EIF5B: variants seen among roughly 807,000 people sequenced by gnomAD.
The protein encoded by EIF5B is eIF-5B.
Under a neutral mutation model 147.5 loss-of-function variants are expected in EIF5B, and 47 were observed. The ratio of observed to expected loss-of-function variants is 0.32; its 90% CI spans 0.25 to 0.41. The LOEUF is 0.41. Ranked by LOEUF, EIF5B falls within the 10% of genes least tolerant of loss-of-function variation. EIF5B has a pLI of 1.00. For synonymous variants in EIF5B, 455 were observed against 456.2 expected, an observed-to-expected ratio of 1.00 and a Z score of 0.03; for missense variants, 1,064 against 1,413.2, an observed-to-expected ratio of 0.75 and a Z score of 3.96.
At chr2:99,386,062 CT>C (rs1305146024) in intron 14 of EIF5B, among the ~76,000 whole-genome samples, 1 of 152,100 alleles carries the variant, frequency 6.6e-6, no homozygotes, top group African/African-American at 2.4e-5. Context: ...AGGGTTTTTC[CT>C]TTTTATTTTT....
intron 1 of EIF5B, among the ~76,000 whole-genome samples, chr2:99,348,110 A>T (rs1484605536): frequency 6.6e-6 from 1 of 152,230 alleles, no homozygotes; most frequent in Non-Finnish European, 1.5e-5. Context: ...CAAGATTTGT[A>T]TTCTTATCAA....
chr2:99,366,515 A>G (rs1674331409), intron 6 of EIF5B, among the ~76,000 whole-genome samples: 1 of 152,086 alleles, frequency 6.6e-6, no homozygotes, highest in Non-Finnish European at 1.5e-5. Flanking sequence ...CAGTACATGC[A>G]CAACACACAT....
intron 1 of EIF5B, among the ~76,000 whole-genome samples, chr2:99,351,442 A>G (rs781172505): frequency 6.6e-6 from 1 of 152,180 alleles, no homozygotes; most frequent in Non-Finnish European, 1.5e-5. Context: ...TTGTGTGGAC[A>G]TGTATTTTCA....
At chr2:99,347,922 TA>T (rs1426076444) in intron 1 of EIF5B, among the ~76,000 whole-genome samples, 1 of 148,430 alleles carries the variant, frequency 6.7e-6, no homozygotes, top group Non-Finnish European at 1.5e-5. Context: ...ATTATCAAAT[TA>T]AAATTTAAAA....
intron 1 of EIF5B, among the ~76,000 whole-genome samples, chr2:99,352,863 C>T (rs1039164349): frequency 3.9e-5 from 6 of 151,902 alleles, no homozygotes; most frequent in Admixed American, 6.6e-5. Context: ...CTCACTCTGT[C>T]GTTCAAGTTG....
At chr2:99,392,886 A>C in intron 17 of EIF5B, 81 bp from the exon 18 acceptor site, 1 of 1,249,510 alleles carries the variant, frequency 8.0e-7, no homozygotes, top group Non-Finnish European at 1.0e-6. Flanking sequence ...CTCTAATATC[A>C]TGATGAGATT....
At position 99,388,791 on chromosome 2, in the gene EIF5B, A is replaced by T. The variant is rs183978881; in HGVS notation, c.2272-927A>T. Among the ~76,000 whole-genome samples, 969 of 152,212 alleles carry T rather than the reference A, an allele frequency of 6.4e-3. 10 individuals carry two copies. The highest frequency in any genetic ancestry group is 6.8e-3 in the Middle Eastern group (2 of 294). ...ATGTAGTTTTCTTGTAATGTCTTTTATCTGGTTTTCATATCAGAGTAATGT... is the reference window on the plus strand; with the variant it reads ...ATGTAGTTTTCTTGTAATGTCTTTTTTCTGGTTTTCATATCAGAGTAATGT... On this transcript the variant is annotated intron_variant, in intron 14 of 23. Transcript: ENST00000289371.
chr2:99,379,008 T>TA lies in EIF5B; in HGVS notation c.1843-11_1843-10insA. Reference sequence around the variant, plus strand: ...ATTTAATTTTTGATTTTTTTTTTTTTTTATTTCTAGAAACGGCGACTTGAA... The same window carrying TA: ...ATTTAATTTTTGATTTTTTTTTTTTTATTATTTCTAGAAACGGCGACTTGAA... On this transcript the variant is annotated splice_polypyrimidine_tract_variant and intron_variant, in intron 10 of 23. Coordinates refer to ENST00000289371, the MANE Select transcript of EIF5B (RefSeq NM_015904.4). The TA allele has an allele frequency of 6.6e-7, 1 of 1,507,912 alleles. No individual in the cohort carries two copies. The highest frequency in any genetic ancestry group is 8.9e-7 in the Non-Finnish European group (1 of 1,127,078). The allele number at this position is 1,507,912 out of a possible 1,614,324, so 93.4% of individuals were successfully genotyped here.
At chr2:99,375,900 G>A (rs908684875) in intron 9 of EIF5B, among the ~76,000 whole-genome samples, 3 of 152,072 alleles carry the variant, frequency 2.0e-5, no homozygotes, top group Admixed American at 1.3e-4. Flanking sequence ...GGAGCATTTC[G>A]TATTTCAGGT....
Position 99,394,561 on chromosome 2 carries a change from C to T in EIF5B, c.3065C>T (p.Ser1022Leu). 6.2e-7 allele frequency: 1 copy of T among 1,614,192 alleles called. No individual in the cohort carries two copies. The highest frequency in any genetic ancestry group is 1.1e-5 in the South Asian group (1 of 91,084). ...CATAAAAAAGATGTTATGAAGGCTT[C>T]AGTGATGTTGGAACATGACCCTCAG... ...PVHKKDVMKA[S>L]VMLEHDPQYA... is the part of the protein sequence containing the mutation. The change falls in exon 20 of 24, where the codon TCA (serine) becomes TTA (leucine). Residue 1022 changes from serine to leucine, a missense_variant. Ser to Leu is a moderately radical substitution (Grantham distance 145). Coordinates refer to ENST00000289371, the MANE Select transcript of EIF5B (RefSeq NM_015904.4).
At chr2:99,389,243 G>A (rs1437209330) in intron 14 of EIF5B, among the ~76,000 whole-genome samples, 9 of 151,994 alleles carry the variant, frequency 5.9e-5, no homozygotes, top group African/African-American at 2.2e-4. Context: ...TGAAAAGTGA[G>A]GGAAAATAGA....
chr2:99,376,586 G>C lies in EIF5B; in HGVS notation c.1792G>C (p.Asp598His), dbSNP rs574212322. ...SSDSEYDSDD[D>H]RTKEERAYDK... ...AGATTCTGAATATGACTCTGATGAT[G>C]ATCGGACTAAAGAAGAAAGGGCTTA... The change falls in exon 10 of 24, where the codon GAT (aspartate) becomes CAT (histidine). Residue 598 changes from aspartate (D) to histidine (H), a missense_variant. Physicochemically the swap from Asp to His is moderately conservative, Grantham distance 81. This residue lies in a region of EIF5B where 195 missense variants were observed against 186.3 expected (regional missense o/e 1.05). Transcript: ENST00000289371. 6.2e-7 allele frequency: 1 copy of C among 1,613,478 alleles called. No homozygotes were observed. Among genetic ancestry groups the C allele is most frequent in the South Asian group, 1.1e-5 (1 of 90,894 alleles).
intron 7 of EIF5B, among the ~76,000 whole-genome samples, chr2:99,369,009 A>G (rs1574929546): frequency 6.6e-6 from 1 of 152,278 alleles, no homozygotes; most frequent in Non-Finnish European, 1.5e-5. Flanking sequence ...ACAGTGGCTC[A>G]CGCCTGTAAT....
intron 1 of EIF5B, among the ~76,000 whole-genome samples, chr2:99,351,574 T>C (rs1034642791): frequency 1.3e-5 from 2 of 152,224 alleles, no homozygotes; most frequent in Non-Finnish European, 2.9e-5. Flanking sequence ...ATTTTTGCAT[T>C]CCCTCTAGGG....
Position 99,360,307 on chromosome 2 carries a change from A to C in EIF5B, c.107A>C (p.Glu36Ala). The C allele has an allele frequency of 6.2e-7, 1 of 1,612,304 alleles. No individual in the cohort carries two copies. Among genetic ancestry groups the C allele is most frequent in the Non-Finnish European group, 8.5e-7 (1 of 1,179,390 alleles). The stretch of plus-strand genomic sequence containing the variant: ...GGAGCTGGTGCTGCCAAAGAACAGG[A>C]GCCTCAAAAGTCAAAAGGGAAAAAG... ...IEGAGAAKEQEPQKSKGKKKK... is the reference protein window; with the variant it reads ...IEGAGAAKEQAPQKSKGKKKK... The change falls in exon 2 of 24, where the codon GAG (glutamate) becomes GCG (alanine). Residue 36 changes from glutamate (E) to alanine (A), a missense_variant. Physicochemically the swap from Glu to Ala is moderately radical, Grantham distance 107. Around this residue, in one of 4 missense-constraint regions of EIF5B, gnomAD observed 458 missense variants for 451.3 expected, o/e 1.01. Coordinates refer to ENST00000289371, the MANE Select transcript of EIF5B (RefSeq NM_015904.4).
chr2:99,352,043 C>G (rs565607878), intron 1 of EIF5B, among the ~76,000 whole-genome samples: 1 of 152,128 alleles, frequency 6.6e-6, no homozygotes, highest in East Asian at 1.9e-4. Flanking sequence ...GTGATAACAT[C>G]TTGTCATGTG....
chr2:99,396,558 GGGA>G (rs1196934476), intron 21 of EIF5B, among the ~76,000 whole-genome samples, 199 bp from the exon 22 acceptor site: 2 of 152,184 alleles, frequency 1.3e-5, no homozygotes, highest in African/African-American at 2.4e-5. Context: ...CAACAGAATG[GGGA>G]GGAGGAGGTT....
intron 4 of EIF5B, among the ~76,000 whole-genome samples, chr2:99,362,563 G>C (rs1309621805): frequency 6.6e-6 from 1 of 151,894 alleles, no homozygotes; most frequent in Non-Finnish European, 1.5e-5. Context: ...GCCGGGCATG[G>C]TGGCGGGCGC....
rs189688739 is a variant in EIF5B, at chr2:99,346,892, G to T, written c.35+9303G>T. On this transcript the variant is annotated intron_variant, in intron 1 of 23. Transcript: ENST00000289371. The stretch of plus-strand genomic sequence containing the variant: ...GCCCATATAAGTTGTATCTTAAGGT[G>T]TTTATTGAGAATGTGGATCTGAATT... 3.6e-3 allele frequency among the ~76,000 whole-genome samples: 553 copies of T among 151,742 alleles called. 5 individuals carry two copies. The highest frequency in any genetic ancestry group is 0.013 in the African/African-American group (535 of 41,358).
Sources: gnomAD v4.1 joint callset for allele counts (sites outside exome capture counted in the v4.1 genomes callset) on GRCh38, gnomAD v4.1.1 for gene constraint, gnomAD v4.1.1 regional missense constraint, MANE v1.5 for transcripts, NCBI Gene and HGNC (gene_info 2026-07-23, HGNC 2026-07-21) for gene names.